The following PI4K2A variants were observed in gnomAD, a reference collection of about 807,000 sequenced individuals.
PI4K2A encodes the protein phosphatidylinositol 4-kinase type 2 alpha.
Under a neutral mutation model 55.0 loss-of-function variants are expected in PI4K2A, and 20 were observed. That is an observed-to-expected ratio of 0.36 (90% CI 0.26 to 0.53). The LOEUF (loss-of-function observed/expected upper bound fraction) is 0.53, where lower values mean the gene tolerates loss of function less well. PI4K2A is among the 20% of genes least tolerant of loss of function. The pLI, the probability that PI4K2A is intolerant of heterozygous loss-of-function variation, is 0.91. For missense variants in PI4K2A, 463 were observed against 637.1 expected (o/e 0.73, Z 2.94); for synonymous variants, 235 against 258.5 (o/e 0.91, Z 0.87).
At chr10:97,671,627 A>G (rs1342746797) in intron 8 of PI4K2A, among the ~76,000 whole-genome samples, 1 of 152,042 alleles carries the variant, frequency 6.6e-6, no homozygotes, top group Non-Finnish European at 1.5e-5. Flanking sequence ...TTGGCTTTTT[A>G]CTTTTTGTTT....
exon 9 of PI4K2A, chr10:97,675,451 A>C (rs1309772841): frequency 1.3e-5 from 2 of 152,662 alleles, no homozygotes; most frequent in African/African-American, 4.8e-5. Flanking sequence ...CCCGACAATC[A>C]CATGCAGCTG....
rs1183564085 is a variant in PI4K2A, at chr10:97,666,379, C to T, written c.1085-59C>T. On this transcript the variant is annotated intron_variant, in intron 6 of 8. Transcript: ENST00000370631. Reference sequence around the variant, plus strand: ...AGAAAGTGCCTTGACTGGTGGAGGACACAGATGAGCAGGGACTTTTCCAAC... The same window carrying T: ...AGAAAGTGCCTTGACTGGTGGAGGATACAGATGAGCAGGGACTTTTCCAAC... 1.7e-5 allele frequency: 27 copies of T among 1,547,172 alleles called. No individual in the cohort carries two copies. In the East Asian group the frequency reaches 5.8e-4, roughly 33 times the overall value.
chr10:97,660,370 A>T (rs1363978477), intron 4 of PI4K2A, among the ~76,000 whole-genome samples: 2 of 145,586 alleles, frequency 1.4e-5, no homozygotes, highest in African/African-American at 5.2e-5. Context: ...ATCTTGGCTC[A>T]CTGCAACCTC....
chr10:97,667,038 C>T lies in PI4K2A; in HGVS notation c.1219-23C>T, dbSNP rs1400671967. ...TGTGAGGCATTCACACAGGTTCCAT[C>T]TCCTTCTGGTCTTCTTTTGCAGAAA... On this transcript the variant is annotated intron_variant, in intron 7 of 8. Transcript: ENST00000370631. The T allele has an allele frequency of 5.6e-6, 9 of 1,604,618 alleles. No homozygotes were observed. In the South Asian group the frequency reaches 9.9e-5, roughly 18 times the overall value.
At chr10:97,660,720 T>C (rs572672417) in intron 4 of PI4K2A, among the ~76,000 whole-genome samples, 1 of 152,194 alleles carries the variant, frequency 6.6e-6, no homozygotes, top group African/African-American at 2.4e-5. Flanking sequence ...TTTTATCCTC[T>C]CAGTTTATAG....
intron 1 of PI4K2A, among the ~76,000 whole-genome samples, chr10:97,645,752 C>G (rs1219089407): frequency 6.6e-6 from 1 of 150,860 alleles, no homozygotes; most frequent in Non-Finnish European, 1.5e-5. Context: ...AGTTTCTCAC[C>G]CTGTCGCCCA....
intron 4 of PI4K2A, among the ~76,000 whole-genome samples, chr10:97,661,576 A>C (rs894429672): frequency 6.7e-6 from 1 of 149,442 alleles, no homozygotes; most frequent in Non-Finnish European, 1.5e-5. Context: ...GGCTGGTCTT[A>C]AACTCCTGGG....
At chr10:97,657,309 AT>A (rs1236948043) in intron 4 of PI4K2A, among the ~76,000 whole-genome samples, 1 of 151,982 alleles carries the variant, frequency 6.6e-6, no homozygotes, top group Non-Finnish European at 1.5e-5. Context: ...TTTAAAAAAA[AT>A]TTTTTTTCAG....
intron 1 of PI4K2A, among the ~76,000 whole-genome samples, chr10:97,642,865 T>TTCTTTTTCTTTC (rs1554878117): frequency 1.9e-5 from 1 of 53,696 alleles, no homozygotes; most frequent in African/African-American, 6.4e-5. Flanking sequence ...CTTTCTTTCT[T>TTCTTTTTCTTTC]TTTCTTTCTT....
At chr10:97,651,165 C>G in intron 2 of PI4K2A, 24 bp downstream of exon 2, 1 of 1,580,736 alleles carries the variant, frequency 6.3e-7, no homozygotes, top group African/African-American at 1.3e-5. Context: ...CTCCAGGAAG[C>G]CTTACTGCCT....
At chr10:97,645,314 A>C (rs755990950) in intron 1 of PI4K2A, among the ~76,000 whole-genome samples, 2 of 152,090 alleles carry the variant, frequency 1.3e-5, no homozygotes, top group African/African-American at 2.4e-5. Flanking sequence ...GAATAAGGCT[A>C]TAAGAGTTGG....
At chr10:97,650,142 T>C (rs936084981) in intron 1 of PI4K2A, among the ~76,000 whole-genome samples, 1 of 152,156 alleles carries the variant, frequency 6.6e-6, no homozygotes, top group Admixed American at 6.5e-5. Context: ...CCTCATTTTT[T>C]TGGGGGAAAG....
chr10:97,663,045 G>A, intron 5 of PI4K2A, 77 bp downstream of exon 5: 2 of 970,252 alleles, frequency 2.1e-6, no homozygotes, highest in Non-Finnish European at 3.3e-6. Flanking sequence ...GGTCAGAGAT[G>A]TAGTTCATAC....
intron 1 of PI4K2A, among the ~76,000 whole-genome samples, chr10:97,644,939 C>A (rs570710407): frequency 6.6e-6 from 1 of 152,058 alleles, no homozygotes; most frequent in Non-Finnish European, 1.5e-5. Context: ...CAGCCCTGGT[C>A]CCATTTCTCA....
At chr10:97,670,940 C>A (rs2041631990) in intron 8 of PI4K2A, among the ~76,000 whole-genome samples, 2 of 151,858 alleles carry the variant, frequency 1.3e-5, no homozygotes, top group South Asian at 4.2e-4. Flanking sequence ...GAGTTCGAGA[C>A]CAGACTGACC....
chr10:97,656,959 A>C lies in PI4K2A; in HGVS notation c.907A>C (p.Ile303Leu), dbSNP rs1187552769. 1 of 1,614,082 alleles carries C rather than the reference A, an allele frequency of 6.2e-7. No individual in the cohort carries two copies. The highest frequency in any genetic ancestry group is 1.3e-5 in the African/African-American group (1 of 74,934). ...TGAGCGGTTGGTGGTGCTGGATTAC[A>C]TCATCCGCAACACTGGTGAGCAGCT... Residue 303 changes from isoleucine (I) to leucine (L), a missense_variant, in exon 4 of 9, where the codon ATC (isoleucine) becomes CTC (leucine). Transcript: ENST00000370631. The surrounding 1 kb of genome is among the most constrained non-coding windows in gnomAD (Gnocchi z 4.5).
intron 8 of PI4K2A, among the ~76,000 whole-genome samples, chr10:97,667,490 G>A (rs1458490593): frequency 6.6e-6 from 1 of 152,182 alleles, no homozygotes; most frequent in Non-Finnish European, 1.5e-5. Context: ...GATTACAGGC[G>A]TGAGGCCCTG....
At chr10:97,667,687 A>C (rs1213911666) in intron 8 of PI4K2A, among the ~76,000 whole-genome samples, 2 of 152,204 alleles carry the variant, frequency 1.3e-5, no homozygotes, top group African/African-American at 4.8e-5. Flanking sequence ...ATTGGTAATT[A>C]AACTAATGCT....
At chr10:97,641,174 G>T in exon 1 of PI4K2A, 1 of 1,601,936 alleles carries the variant, frequency 6.2e-7, no homozygotes. Flanking sequence ...AGGACCCTCA[G>T]GGGGTGAGTG....
Sources: gnomAD v4.1 joint callset for allele counts (sites outside exome capture counted in the v4.1 genomes callset) on GRCh38, gnomAD v4.1.1 for gene constraint, Gnocchi (gnomAD v3.1) non-coding constraint, MANE v1.5 for transcripts, NCBI Gene and HGNC (gene_info 2026-07-23, HGNC 2026-07-21) for gene names.